C1orf105: variants seen among roughly 807,000 people sequenced by gnomAD.
C1orf105 encodes the protein uncharacterized protein C1orf105.
A neutral mutation model predicts 20.8 loss-of-function variants in C1orf105; 17 were observed. The observed-to-expected ratio is 0.82, with a 90% CI of 0.56 to 1.23. C1orf105 has a LOEUF of 1.23. Ranked by LOEUF, C1orf105 falls within the 50% of genes most tolerant of loss-of-function variation. C1orf105 has a pLI of 0.00. For missense variants in C1orf105, 219 were observed against 213.5 expected (o/e 1.03, Z -0.16); for synonymous variants, 72 against 72.1 (o/e 1.00, Z 0.01).
chr1:172,424,126 T>G (rs1305097605), intron 1 of C1orf105, among the ~76,000 whole-genome samples: 1 of 152,232 alleles, frequency 6.6e-6, no homozygotes, highest in African/African-American at 2.4e-5. Context: ...TCAAGTTTTA[T>G]CATACATTAT....
chr1:172,463,937 A>T (rs978991246), intron 5 of C1orf105, among the ~76,000 whole-genome samples: 1 of 152,190 alleles, frequency 6.6e-6, no homozygotes, highest in African/African-American at 2.4e-5. Flanking sequence ...CTATAAAGCA[A>T]GGGCCTGGTT....
In C1orf105 at chr1:172,448,347, G is replaced by T. The variant is rs1182912257; in HGVS notation, c.108-94G>T. ...GAACTGGAGTGGAAGATAGCTCCCT[G>T]TGGTGTCCCTTGTATTCTCTCAGAA... On this transcript the variant is annotated intron_variant, in intron 2 of 6. Coordinates refer to ENST00000367727, the MANE Select transcript of C1orf105 (RefSeq NM_139240.4). 14 of 801,636 alleles carry T rather than the reference G, an allele frequency of 1.7e-5. No individual in the cohort carries two copies. The Admixed American group carries it at 3.0e-4, about 17-fold the overall frequency. 49.7% of individuals were successfully genotyped at this position (801,636 alleles called of 1,614,324 possible).
At chr1:172,465,547 G>T in intron 6 of C1orf105, 184 bp downstream of exon 6, 1 of 682,128 alleles carries the variant, frequency 1.5e-6, no homozygotes, top group Non-Finnish European at 2.7e-6. Context: ...TTTCACTCCA[G>T]CACCACCTGT....
Position 172,457,609 on chromosome 1 carries a change from G to A in C1orf105, c.273+1120G>A, listed in dbSNP as rs141862829. Among the ~76,000 whole-genome samples the A allele has an allele frequency of 9.3e-3, 1,418 of 152,288 alleles. 10 individuals are homozygous for A. The highest frequency in any genetic ancestry group is 0.021 in the South Asian group (100 of 4,820). On this transcript the variant is annotated intron_variant, in intron 4 of 6. Transcript: ENST00000367727. ...CTGGAGTCTGGGAAACTAGGATTGG[G>A]ATTTCTCCTGGTCTTATTCCTGGAA... is the stretch of plus-strand genomic sequence containing the variant.
At chr1:172,447,864 G>A (rs1203589727) in intron 2 of C1orf105, among the ~76,000 whole-genome samples, 2 of 152,216 alleles carry the variant, frequency 1.3e-5, no homozygotes, top group African/African-American at 4.8e-5. Flanking sequence ...ACACTGTAAT[G>A]AAATGAACCA....
At chr1:172,430,237 G>C (rs1276348382) in intron 1 of C1orf105, 1 of 675,394 alleles carries the variant, frequency 1.5e-6, no homozygotes, top group African/African-American at 1.8e-5. Flanking sequence ...GAATTTAAGT[G>C]ATGAGTAACT....
chr1:172,448,431 A>T lies in C1orf105; in HGVS notation c.108-10A>T. On this transcript the variant is annotated splice_polypyrimidine_tract_variant and intron_variant, in intron 2 of 6. Transcript: ENST00000367727. ...TGCGGTTCTAACGTTCTCTTGTTTT[A>T]ATTACTTAGATATCCTCATACCTCT... is the stretch of plus-strand genomic sequence containing the variant. 1 of 1,577,058 alleles carries T rather than the reference A, an allele frequency of 6.3e-7. No homozygotes were observed. The highest frequency in any genetic ancestry group is 8.7e-7 in the Non-Finnish European group (1 of 1,149,130).
At chr1:172,424,416 A>T (rs2071671677) in intron 1 of C1orf105, among the ~76,000 whole-genome samples, 1 of 152,130 alleles carries the variant, frequency 6.6e-6, no homozygotes, top group Admixed American at 6.5e-5. Context: ...TTTGAGATGG[A>T]GTCTTGCTCT....
chr1:172,461,489 A>G (rs990565092), intron 4 of C1orf105, among the ~76,000 whole-genome samples: 3 of 152,214 alleles, frequency 2.0e-5, no homozygotes, highest in African/African-American at 7.2e-5. Flanking sequence ...TCCTAGTGAA[A>G]ACATTCTTAA....
At chr1:172,465,775 C>T (rs1490145701) in intron 6 of C1orf105, 13 of 424,100 alleles carry the variant, frequency 3.1e-5, no homozygotes, top group Non-Finnish European at 6.1e-5. Flanking sequence ...ACTCCACCAG[C>T]TCCCTAAAAT....
chr1:172,445,301 TC>T, intron 2 of C1orf105, 143 bp downstream of exon 2: 1 of 707,590 alleles, frequency 1.4e-6, no homozygotes, highest in East Asian at 2.8e-5. Context: ...ATAGAAATAA[TC>T]CGGGTTTCTC....
chr1:172,455,216 A>G (rs1558141313), intron 3 of C1orf105, among the ~76,000 whole-genome samples: 2 of 152,104 alleles, frequency 1.3e-5, no homozygotes, highest in Non-Finnish European at 2.9e-5. Flanking sequence ...CAAACCCCCC[A>G]TGATGCATCA....
chr1:172,435,434 G>A (rs550566493), intron 1 of C1orf105, among the ~76,000 whole-genome samples: 112 of 152,262 alleles, frequency 7.4e-4, no homozygotes, highest in South Asian at 6.8e-3. Flanking sequence ...TGCAAGGCTG[G>A]TTCAACATAC....
intron 1 of C1orf105, among the ~76,000 whole-genome samples, chr1:172,425,599 G>A (rs2071702921): frequency 6.6e-6 from 1 of 152,010 alleles, no homozygotes; most frequent in African/African-American, 2.4e-5. Flanking sequence ...ACAGAATGTT[G>A]GTCAAACCCT....
At chr1:172,453,594 C>T (rs1304409618) in intron 3 of C1orf105, among the ~76,000 whole-genome samples, 1 of 152,092 alleles carries the variant, frequency 6.6e-6, no homozygotes, top group Non-Finnish European at 1.5e-5. Flanking sequence ...TTCATTTGCC[C>T]AATGTTTGTT....
chr1:172,452,652 C>A, intron 3 of C1orf105: 1 of 416,602 alleles, frequency 2.4e-6, no homozygotes, highest in Non-Finnish European at 3.2e-6. Context: ...TTAGACACCG[C>A]AGCAGATATT....
chr1:172,455,773 T>C (rs1433071617), intron 3 of C1orf105, among the ~76,000 whole-genome samples: 1 of 152,184 alleles, frequency 6.6e-6, no homozygotes, highest in East Asian at 1.9e-4. Context: ...TCCCAGAGGA[T>C]TGAGGGGACT....
chr1:172,468,532 A>C lies in C1orf105; in HGVS notation c.490A>C (p.Lys164Gln). The change falls in exon 7 of 7, where the codon AAA becomes CAA. Residue 164 changes from lysine to glutamine, a missense_variant. Physicochemically the swap from Lys to Gln is moderately conservative, Grantham distance 53. Coordinates refer to ENST00000367727, the MANE Select transcript of C1orf105 (RefSeq NM_139240.4). ...ACTGACAGAGGCCTACAAAACTCTA[A>C]AAGAGAGACAACGTTCTTCCTTGCC... ...GLLTEAYKTL[K>Q]ERQRSSLPRK... is the part of the protein sequence containing the mutation. 6.2e-7 allele frequency: 1 copy of C among 1,614,024 alleles called. No homozygotes were observed. The highest frequency in any genetic ancestry group is 1.1e-5 in the South Asian group (1 of 91,072).
intron 1 of C1orf105, among the ~76,000 whole-genome samples, chr1:172,422,137 A>C (rs1469770139): frequency 2.6e-5 from 4 of 151,004 alleles, no homozygotes; most frequent in African/African-American, 9.7e-5. Flanking sequence ...ACGATCTAGT[A>C]AGACACCAGC....
Sources: allele counts gnomAD v4.1 joint callset (sites outside exome capture counted in the v4.1 genomes callset), GRCh38; gene constraint gnomAD v4.1.1; transcripts MANE v1.5; gene names NCBI Gene and HGNC (gene_info 2026-07-23, HGNC 2026-07-21).